The following KIF21B variants were observed in gnomAD, a reference collection of about 807,000 sequenced individuals.
KIF21B encodes kinesin-like protein KIF21B.
KIF21B carries 85 observed loss-of-function variants against 192.9 expected under a neutral mutation model. That is an observed-to-expected ratio of 0.44 (90% CI 0.37 to 0.53). The LOEUF (loss-of-function observed/expected upper bound fraction) is 0.53. Among genes scored for constraint, KIF21B ranks in the 20% least tolerant of loss-of-function variants. The probability of loss-of-function intolerance (pLI) is 0.00; values close to 1 mark genes in which losing one functional copy is unlikely to be tolerated. For missense variants in KIF21B, 1,716 were observed against 2,194.8 expected (o/e 0.78, Z 4.36); for synonymous variants, 832 against 884.6 (o/e 0.94, Z 1.05).
chr1:200,987,089 A>T lies in KIF21B; in HGVS notation c.3521T>A (p.Ile1174Asn), dbSNP rs374324357. The change falls in exon 25 of 35, where the codon ATC becomes AAC. Residue 1174 changes from isoleucine (I) to asparagine (N), a missense_variant. Coordinates refer to ENST00000461742, the MANE Select transcript of KIF21B (RefSeq NM_001252102.2). ...AGAGAAGCCCACTCCGTCCTCTTTGATCTCAACGAGGGAGGCCAGGGACTT... is the reference window on the plus strand; with the variant it reads ...AGAGAAGCCCACTCCGTCCTCTTTGTTCTCAACGAGGGAGGCCAGGGACTT... ...ITKSLASLVEIKEDGVGFSVR... is the reference protein window; with the variant it reads ...ITKSLASLVENKEDGVGFSVR... 9.3e-6 allele frequency: 15 copies of T among 1,613,812 alleles called. No homozygotes were observed. The highest frequency in any genetic ancestry group is 1.3e-5 in the Non-Finnish European group (15 of 1,179,934).
Position 201,016,023 on chromosome 1 carries a change from T to C in KIF21B, c.42-6535A>G, listed in dbSNP as rs117301619. 3.8e-4 allele frequency among the ~76,000 whole-genome samples: 58 copies of C among 152,326 alleles called. No homozygotes were observed. The East Asian group carries it at 9.6e-3, about 25-fold the overall frequency. On this transcript the variant is annotated intron_variant, in intron 1 of 34. Coordinates refer to ENST00000461742, the MANE Select transcript of KIF21B (RefSeq NM_001252102.2). ...TAAGAGCCTATGTGCCAAGCTCCTT[T>C]ATGTACACGAACACATGAAATGTGT... is the stretch of plus-strand genomic sequence containing the variant.
At position 201,000,889 on chromosome 1, in the gene KIF21B, C is replaced by T; in HGVS notation, c.1403-109G>A. On this transcript the variant is annotated intron_variant, in intron 9 of 34. Coordinates refer to ENST00000461742, the MANE Select transcript of KIF21B (RefSeq NM_001252102.2). This position sits in a 1 kb window ranked among gnomAD's most constrained non-coding sequence, Gnocchi z 6.0. ...TTGGGAGGCCAAGGCGGGCGGATCA[C>T]CTGAGGCTGGGAGTTCGAGACTAGC... is the stretch of plus-strand genomic sequence containing the variant. The T allele has an allele frequency of 9.1e-7, 1 of 1,099,412 alleles. No homozygotes were observed. The highest frequency in any genetic ancestry group is 1.3e-5 in the South Asian group (1 of 78,698). 68.1% of individuals were successfully genotyped at this position (1,099,412 alleles called of 1,614,324 possible).
intron 4 of KIF21B, 35 bp downstream of exon 4, chr1:201,005,510 C>T (rs1657760039): frequency 1.2e-6 from 2 of 1,603,994 alleles, no homozygotes; most frequent in Non-Finnish European, 1.7e-6. Flanking sequence ...TTCAGGATGC[C>T]CTGGACCTGC....
intron 15 of KIF21B, among the ~76,000 whole-genome samples, chr1:200,995,540 G>C (rs1657001622): frequency 6.6e-6 from 1 of 152,210 alleles, no homozygotes; most frequent in Non-Finnish European, 1.5e-5. Context: ...CCAGAGACTA[G>C]AGCACTCTGA....
intron 34 of KIF21B, 29 bp from the exon 35 acceptor site, chr1:200,973,607 CCGG>C: frequency 6.6e-7 from 1 of 1,523,620 alleles, no homozygotes; most frequent in East Asian, 2.5e-5. Flanking sequence ...TGGAGGGGTG[CCGG>C]TCAGCTCTTG....
intron 24 of KIF21B, among the ~76,000 whole-genome samples, chr1:200,987,994 G>A (rs1198737943): frequency 1.3e-5 from 2 of 152,244 alleles, no homozygotes; most frequent in African/African-American, 2.4e-5. Context: ...GTGGGGGAAA[G>A]GGGATATTTT....
In KIF21B at chr1:200,979,698, A is replaced by G; in HGVS notation, c.3997T>C (p.Trp1333Arg). ...TGSKDRSCKM[W>R]NLVTGQEIAA... is the part of the protein sequence containing the mutation. ...ATCTCCTGTCCCGTAACCAAGTTCC[A>G]CATCTTGCAGCTTCGGTCTGTGAGA... Residue 1333 changes from tryptophan to arginine, a missense_variant, in exon 30 of 35, where the codon TGG becomes CGG. Physicochemically the swap from Trp to Arg is moderately radical, Grantham distance 101 (BLOSUM62 -3). This residue lies in a region of KIF21B where 580 missense variants were observed against 775.5 expected (regional missense o/e 0.75). Coordinates refer to ENST00000461742, the MANE Select transcript of KIF21B (RefSeq NM_001252102.2). 6.5e-7 allele frequency: 1 copy of G among 1,536,450 alleles called. No homozygotes were observed. Among genetic ancestry groups the G allele is most frequent in the East Asian group, 2.5e-5 (1 of 40,128 alleles).
chr1:200,997,297 C>T (rs888842638), intron 14 of KIF21B, among the ~76,000 whole-genome samples: 1 of 152,224 alleles, frequency 6.6e-6, no homozygotes, highest in Non-Finnish European at 1.5e-5. Context: ...GTCCCCTTAT[C>T]GTTCTGCCAA....
rs1223906564 is a variant in KIF21B at position 200,998,697 on chromosome 1, G to T, written c.1886-122C>A. On this transcript the variant is annotated intron_variant, in intron 13 of 34. Coordinates refer to ENST00000461742, the MANE Select transcript of KIF21B (RefSeq NM_001252102.2). This position sits in a 1 kb window ranked among gnomAD's most constrained non-coding sequence, Gnocchi z 4.3. The stretch of plus-strand genomic sequence containing the variant: ...CAGCCATGACCAATCAGTGACCAGA[G>T]ACTGGGCAAAATGATAAATCCTAAT... 9.1e-6 allele frequency: 7 copies of T among 772,158 alleles called. No individual in the cohort carries two copies. The highest frequency in any genetic ancestry group is 7.8e-5 in the Admixed American group (3 of 38,490). 47.8% of individuals were successfully genotyped at this position (772,158 alleles called of 1,614,324 possible). A position where few individuals can be genotyped will look rare whatever the true frequency, so the allele number is the denominator to read the frequency against.
rs1656627068 is a variant in KIF21B at position 200,990,666 on chromosome 1, C to T, written c.2745G>A (p.Lys915=). 1 of 1,614,188 alleles carries T rather than the reference C, an allele frequency of 6.2e-7. No homozygotes were observed. The highest frequency in any genetic ancestry group is 8.5e-7 in the Non-Finnish European group (1 of 1,180,022). ...TGATCCGTCGCTCCAGGGACTGCCA[C>T]TTGAGCCTTGCCGCCTTACTGAAGC... ...SQSFSKAARL[K]WQSLERRIID... is the part of the protein sequence containing the mutation. Residue 915 remains lysine, a synonymous_variant, in exon 19 of 35, where the codon AAG becomes AAA. Transcript: ENST00000461742. The surrounding 1 kb of genome is among the most constrained non-coding windows in gnomAD (Gnocchi z 5.4).
intron 24 of KIF21B, among the ~76,000 whole-genome samples, chr1:200,987,659 G>C (rs1656397085): frequency 6.6e-6 from 1 of 152,212 alleles, no homozygotes; most frequent in Non-Finnish European, 1.5e-5. Context: ...ATGGTTTCTG[G>C]AGAATCCAGA....
At chr1:201,007,103 C>T (rs1657890567) in intron 3 of KIF21B, among the ~76,000 whole-genome samples, 2 of 148,568 alleles carry the variant, frequency 1.3e-5, no homozygotes, top group South Asian at 2.2e-4. Context: ...CAGACACACA[C>T]AGACACACAC....
Position 200,979,582 on chromosome 1 carries a change from G to C in KIF21B, c.4113C>G (p.Ile1371Met). 6.3e-7 allele frequency: 1 copy of C among 1,591,560 alleles called. No homozygotes were observed. Among genetic ancestry groups the C allele is most frequent in the Non-Finnish European group, 8.6e-7 (1 of 1,169,148 alleles). Residue 1371 changes from isoleucine (I) to methionine (M), a missense_variant, in exon 30 of 35, where the codon ATC becomes ATG. Physicochemically the swap from Ile to Met is conservative, Grantham distance 10. This residue lies in a region of KIF21B where 580 missense variants were observed against 775.5 expected (regional missense o/e 0.75). Coordinates refer to ENST00000461742, the MANE Select transcript of KIF21B (RefSeq NM_001252102.2). ...CTGAGTCCCGGATGTCCCACACCTT[G>C]ATGTAGGAGGTGGACACGGAGAACA... ...GLVFSVSTSY[I>M]KVWDIRDSAK...
chr1:201,022,021 C>T (rs2102490063), intron 1 of KIF21B, among the ~76,000 whole-genome samples: 1 of 152,254 alleles, frequency 6.6e-6, no homozygotes, highest in East Asian at 1.9e-4. Flanking sequence ...TGCTCAGGGC[C>T]AGGAAAGCTG....
At position 200,984,885 on chromosome 1, in the gene KIF21B, A is replaced by G; in HGVS notation, c.3777T>C (p.Asn1259=). The part of the protein sequence containing the change: ...DRNVFSRLTS[N]QSQGSALDKS... ...TGTCCAGCGCTGACCCCTGGCTCTG[A>G]TTACTGGTGAGACGAGAGAAGACAT... is the stretch of plus-strand genomic sequence containing the variant. The change falls in exon 27 of 35, where the codon AAT becomes AAC. Residue 1259 remains asparagine, a synonymous_variant. Transcript: ENST00000461742. The G allele has an allele frequency of 6.2e-7, 1 of 1,603,428 alleles. No individual in the cohort carries two copies. The highest frequency in any genetic ancestry group is 1.3e-5 in the African/African-American group (1 of 74,126).
rs759453730 is a variant in KIF21B at position 201,005,729 on chromosome 1, A to G, written c.448-35T>C. ...AAGGAAACAGCTGAATTCATAGGGC[A>G]TTCACTGGGGCCCCAGGTGGCTGCC... On this transcript the variant is annotated intron_variant, in intron 3 of 34. Coordinates refer to ENST00000461742, the MANE Select transcript of KIF21B (RefSeq NM_001252102.2). The G allele has an allele frequency of 1.4e-5, 22 of 1,605,006 alleles. No individual in the cohort carries two copies. The South Asian group carries it at 2.3e-4, about 17-fold the overall frequency.
At chr1:200,974,937 A>G (rs1425846614) in intron 33 of KIF21B, 24 bp from the exon 34 acceptor site, 32 of 1,609,798 alleles carry the variant, frequency 2.0e-5, no homozygotes, top group African/African-American at 4.0e-5. Context: ...AGGGCTGGTG[A>G]GGGCTGGGGG....
At position 200,996,183 on chromosome 1, in the gene KIF21B, C is replaced by T; in HGVS notation, c.2277+13G>A. On this transcript the variant is annotated intron_variant, in intron 15 of 34. Transcript: ENST00000461742. ...GCACTCCAGGCCCCACTCCTCACAC[C>T]CTCGGCCCCTACCTTGGCCTTCTTC... 6.2e-7 allele frequency: 1 copy of T among 1,612,330 alleles called. No homozygotes were observed.
intron 32 of KIF21B, among the ~76,000 whole-genome samples, chr1:200,976,489 A>G (rs1288902942): frequency 6.6e-6 from 1 of 152,168 alleles, no homozygotes; most frequent in African/African-American, 2.4e-5. Context: ...TTGGTTTGCT[A>G]TTTATCATTT....
Sources: allele counts gnomAD v4.1 joint callset (sites outside exome capture counted in the v4.1 genomes callset), GRCh38; gene constraint gnomAD v4.1.1; regional missense constraint gnomAD v4.1.1; non-coding constraint Gnocchi (gnomAD v3.1); transcripts MANE v1.5; gene names NCBI Gene and HGNC (gene_info 2026-07-23, HGNC 2026-07-21).